MALRD1: variants seen among roughly 807,000 people sequenced by gnomAD.
MALRD1 encodes MAM and LDL-receptor class A domain-containing protein 1.
In MALRD1, 247 loss-of-function variants were observed where a neutral mutation model predicts 242.1. The ratio of observed to expected loss-of-function variants is 1.02; its 90% CI spans 0.92 to 1.13. MALRD1 has a LOEUF of 1.13. MALRD1 is among the 50% of genes most tolerant of loss of function. The pLI is 0.00. For synonymous variants in MALRD1, 995 were observed against 866.6 expected (o/e 1.15, Z -2.60); for missense variants, 2,989 against 2,533.1 (o/e 1.18, Z -3.86).
intron 29 of MALRD1, among the ~76,000 whole-genome samples, chr10:19,465,164 G>T (rs1564365519): frequency 1.3e-5 from 2 of 152,132 alleles, no homozygotes; most frequent in African/African-American, 4.8e-5. Context: ...AACAGTGACA[G>T]TTTGACTTCC....
chr10:19,558,284 G>A lies in MALRD1; in HGVS notation c.5479-9218G>A, dbSNP rs116710375. Among the ~76,000 whole-genome samples, 247 of 152,094 alleles carry A rather than the reference G, an allele frequency of 1.6e-3. 1 individual carries two copies. Among genetic ancestry groups the A allele is most frequent in the African/African-American group, 5.7e-3 (235 of 41,516 alleles). On this transcript the variant is annotated intron_variant, in intron 32 of 39. Coordinates refer to ENST00000454679, the MANE Select transcript of MALRD1 (RefSeq NM_001142308.3). ...AGGACTTCCAGTATGATGTTAAATA[G>A]GAGTTGTGAGAGCACACATCCTTGC... is the stretch of plus-strand genomic sequence containing the variant.
At chr10:19,410,679 C>CTTTTTTTTTTTTTTT (rs58147034) in intron 28 of MALRD1, among the ~76,000 whole-genome samples, 2 of 132,910 alleles carry the variant, frequency 1.5e-5, no homozygotes, top group Non-Finnish European at 1.6e-5. Flanking sequence ...TCCTTCCTTC[C>CTTTTTTTTTTTTTTT]TTTTTTTTTT....
chr10:19,609,733 A>G (rs16919152), intron 35 of MALRD1, among the ~76,000 whole-genome samples: 9,216 of 152,154 alleles, frequency 0.061, 578 homozygotes, highest in African/African-American at 0.16. Context: ...CTTTGCAACC[A>G]GAAATTATTG....
At chr10:19,385,292 T>G (rs893104232) in intron 26 of MALRD1, among the ~76,000 whole-genome samples, 3 of 152,038 alleles carry the variant, frequency 2.0e-5, no homozygotes, top group Non-Finnish European at 2.9e-5. Context: ...TTCTCTTCAA[T>G]TTTTTGGAAG....
chr10:19,098,681 G>A (rs1411141737), intron 4 of MALRD1, among the ~76,000 whole-genome samples: 1 of 152,122 alleles, frequency 6.6e-6, no homozygotes, highest in Non-Finnish European at 1.5e-5. Context: ...TCACTCTGAA[G>A]CAGCCTCGTT....
chr10:19,403,013 T>C (rs1235109265), intron 28 of MALRD1, among the ~76,000 whole-genome samples: 6 of 149,912 alleles, frequency 4.0e-5, no homozygotes, highest in Non-Finnish European at 7.4e-5. Flanking sequence ...TAGAAAAAAA[T>C]AAGACATTTA....
At chr10:19,351,947 T>C (rs1844393494) in intron 25 of MALRD1, 59 bp from the exon 26 acceptor site, 1 of 1,361,156 alleles carries the variant, frequency 7.3e-7, no homozygotes, top group African/African-American at 1.5e-5. Context: ...GAATTGAAAA[T>C]AATATCATAT....
chr10:19,605,488 T>TC (rs1838569542), intron 34 of MALRD1, among the ~76,000 whole-genome samples: 2 of 145,956 alleles, frequency 1.4e-5, no homozygotes, highest in African/African-American at 5.0e-5. Flanking sequence ...TTTCTTTCTT[T>TC]TTTTTTTTTT....
chr10:19,728,879 A>G (rs955234199), intron 38 of MALRD1, among the ~76,000 whole-genome samples: 1 of 152,178 alleles, frequency 6.6e-6, no homozygotes, highest in Non-Finnish European at 1.5e-5. Context: ...TTTAACATAG[A>G]CTAGTCTTGA....
intron 38 of MALRD1, among the ~76,000 whole-genome samples, chr10:19,707,043 C>CTTG (rs1440984243): frequency 6.8e-6 from 1 of 148,112 alleles, no homozygotes. Context: ...CTCTTCCTTT[C>CTTG]TTCTTCTTCC....
rs188958508 is a variant in MALRD1, at chr10:19,498,641, C to T, written c.5315C>T (p.Thr1772Met). Residue 1772 changes from threonine (T) to methionine (M), a missense_variant, in exon 31 of 40, where the codon ACG becomes ATG. Thr to Met is a moderately conservative substitution (Grantham distance 81). Coordinates refer to ENST00000454679, the MANE Select transcript of MALRD1 (RefSeq NM_001142308.3). ...GCATTAATTCCAGACTCTGATCACA[C>T]GCCAGGTAAATCTAGTAGCCATCCC... ...AKALIPDSDH[T>M]PGSGQHFLYV... The T allele has an allele frequency of 9.4e-4, 1,453 of 1,549,234 alleles. 1 individual carries two copies. Among genetic ancestry groups the T allele is most frequent in the Non-Finnish European group, 1.2e-3 (1,330 of 1,146,078 alleles).
intron 34 of MALRD1, chr10:19,598,470 A>G (rs1425497002): frequency 1.3e-5 from 2 of 150,950 alleles, no homozygotes; most frequent in East Asian, 3.9e-4. Flanking sequence ...TGGTTTTTTT[A>G]ATTAAAAAAA....
intron 29 of MALRD1, among the ~76,000 whole-genome samples, chr10:19,481,163 A>C (rs972311785): frequency 6.6e-6 from 1 of 152,128 alleles, no homozygotes; most frequent in Admixed American, 6.6e-5. Flanking sequence ...CAGTGAAATC[A>C]CATTTTAAAA....
chr10:19,632,703 A>G (rs1839960523), intron 36 of MALRD1, among the ~76,000 whole-genome samples: 1 of 152,098 alleles, frequency 6.6e-6, no homozygotes, highest in Non-Finnish European at 1.5e-5. Context: ...TTTCCAGACA[A>G]ACCCCAAAAA....
At chr10:19,211,923 C>T (rs568028085) in intron 18 of MALRD1, among the ~76,000 whole-genome samples, 9 of 151,996 alleles carry the variant, frequency 5.9e-5, no homozygotes, top group African/African-American at 2.2e-4. Context: ...GGATTTTTCA[C>T]GATCACTCAT....
chr10:19,067,491 A>G (rs1392375846), intron 2 of MALRD1, among the ~76,000 whole-genome samples: 4 of 152,150 alleles, frequency 2.6e-5, no homozygotes, highest in Admixed American at 2.6e-4. Flanking sequence ...TTGCATAACT[A>G]AAAGCTAGTT....
At chr10:19,121,680 T>G (rs1431726517) in intron 5 of MALRD1, among the ~76,000 whole-genome samples, 1 of 152,178 alleles carries the variant, frequency 6.6e-6, no homozygotes, top group African/African-American at 2.4e-5. Flanking sequence ...AATTTCTGTC[T>G]AAATGGAAGA....
intron 29 of MALRD1, among the ~76,000 whole-genome samples, chr10:19,451,016 G>A (rs1835292560): frequency 6.6e-6 from 1 of 152,148 alleles, no homozygotes; most frequent in Non-Finnish European, 1.5e-5. Flanking sequence ...ATGAATGAAG[G>A]GAGGAGAATA....
intron 28 of MALRD1, among the ~76,000 whole-genome samples, chr10:19,405,039 C>G (rs542553724): frequency 3.5e-4 from 53 of 152,164 alleles, no homozygotes; most frequent in African/African-American, 1.3e-3. Flanking sequence ...TTCATGACAA[C>G]AAAAAAACCT....
Sources: allele counts gnomAD v4.1 joint callset (sites outside exome capture counted in the v4.1 genomes callset), GRCh38; gene constraint gnomAD v4.1.1; transcripts MANE v1.5; gene names NCBI Gene and HGNC (gene_info 2026-07-23, HGNC 2026-07-21).